Variants in VEPH1 observed in about 807,000 individuals in gnomAD.
The protein encoded by VEPH1 is ventricular zone-expressed PH domain-containing protein homolog 1.
VEPH1 carries 80 observed loss-of-function variants against 85.2 expected under a neutral mutation model. That is an observed-to-expected ratio of 0.94 (90% CI 0.78 to 1.13). VEPH1 has a LOEUF of 1.13. VEPH1 is among the 50% of genes most tolerant of loss of function. VEPH1 has a pLI of 0.00. For missense variants in VEPH1, 955 were observed against 980.5 expected (o/e 0.97, Z 0.35); for synonymous variants, 297 against 348.0 (o/e 0.85, Z 1.63).
At chr3:157,463,635 G>C (rs1347811860) in intron 3 of VEPH1, among the ~76,000 whole-genome samples, 2 of 152,110 alleles carry the variant, frequency 1.3e-5, no homozygotes, top group African/African-American at 4.8e-5. Context: ...TAGAAGTCAG[G>C]GCACGTGCTT....
At chr3:157,358,459 A>C (rs1367289303) in intron 9 of VEPH1, among the ~76,000 whole-genome samples, 1 of 152,226 alleles carries the variant, frequency 6.6e-6, no homozygotes, top group East Asian at 1.9e-4. Context: ...CAAATTTTAC[A>C]ACTTCAATTC....
intron 11 of VEPH1, among the ~76,000 whole-genome samples, chr3:157,287,289 C>G (rs575433727): frequency 6.6e-6 from 1 of 152,044 alleles, no homozygotes. Context: ...GTGAGAGGAT[C>G]GCTTGAGCCT....
At chr3:157,406,732 T>G (rs1233868571) in intron 6 of VEPH1, among the ~76,000 whole-genome samples, 1 of 152,042 alleles carries the variant, frequency 6.6e-6, no homozygotes, top group Non-Finnish European at 1.5e-5. Context: ...GGCCATAGCA[T>G]CCTTCCACGT....
chr3:157,437,751 G>T lies in VEPH1; in HGVS notation c.530-9263C>A, dbSNP rs1231300252. 4 of 1,491,034 alleles carry T rather than the reference G, an allele frequency of 2.7e-6. No individual in the cohort carries two copies. In the South Asian group the frequency reaches 3.8e-5, roughly 14 times the overall value. 92.4% of individuals were successfully genotyped at this position (1,491,034 alleles called of 1,614,324 possible). On this transcript the variant is annotated intron_variant, in intron 4 of 13. Transcript: ENST00000362010. ...GTGCTCTGGACGAGCTGCTGCAGGC[G>T]ACCCGCGACGCGGGCCGCAGGCTGG... is the stretch of plus-strand genomic sequence containing the variant.
chr3:157,483,962 A>T (rs1250702081), intron 2 of VEPH1, among the ~76,000 whole-genome samples: 2 of 152,174 alleles, frequency 1.3e-5, no homozygotes, highest in Non-Finnish European at 2.9e-5. Context: ...TTGAAAAAAG[A>T]CATAAAACCC....
intron 9 of VEPH1, among the ~76,000 whole-genome samples, chr3:157,345,383 A>G (rs1466290566): frequency 2.0e-5 from 3 of 152,232 alleles, no homozygotes; most frequent in Non-Finnish European, 4.4e-5. Flanking sequence ...ATGAACAGAC[A>G]CTTCTCAAAA....
chr3:157,408,667 A>T (rs114088427), intron 6 of VEPH1, among the ~76,000 whole-genome samples: 3,257 of 152,278 alleles, frequency 0.021, 60 homozygotes, highest in Non-Finnish European at 0.037. Flanking sequence ...GGAAGTATAG[A>T]CTGGGAGTGA....
chr3:157,314,330 C>CAAAAAA (rs34703314), intron 10 of VEPH1, among the ~76,000 whole-genome samples: 540 of 43,118 alleles, frequency 0.013, 46 homozygotes, highest in East Asian at 0.032. Context: ...GAGGATCCGT[C>CAAAAAA]AAAAAAAAAA....
At chr3:157,319,798 C>T (rs1399880247) in intron 9 of VEPH1, among the ~76,000 whole-genome samples, 1 of 152,122 alleles carries the variant, frequency 6.6e-6, no homozygotes, top group Non-Finnish European at 1.5e-5. Flanking sequence ...CACTCTGAGC[C>T]TACCAGCTTT....
chr3:157,476,764 C>G (rs149152340), intron 2 of VEPH1, among the ~76,000 whole-genome samples: 271 of 152,310 alleles, frequency 1.8e-3, no homozygotes, highest in African/African-American at 6.0e-3. Context: ...GAGTTGCCAA[C>G]CTGGCAGGAG....
chr3:157,337,259 G>A (rs562761424), intron 9 of VEPH1, among the ~76,000 whole-genome samples: 1 of 152,026 alleles, frequency 6.6e-6, no homozygotes, highest in Non-Finnish European at 1.5e-5. Flanking sequence ...GAGAAATCTG[G>A]CATTTCTTTA....
chr3:157,267,093 CTTTTTTTTCTT>C (rs1649158952), intron 12 of VEPH1, among the ~76,000 whole-genome samples: 2 of 108,262 alleles, frequency 1.8e-5, no homozygotes, highest in Middle Eastern at 4.9e-3. Context: ...TTTTCTTTTT[CTTTTTTTTCTT>C]TTTTTTTTTT....
chr3:157,456,577 A>G (rs1245682085), intron 4 of VEPH1, among the ~76,000 whole-genome samples: 3 of 152,082 alleles, frequency 2.0e-5, no homozygotes, highest in African/African-American at 7.2e-5. Flanking sequence ...TCCAGTTTTA[A>G]TCTTCTGCAT....
chr3:157,451,818 T>G (rs1196825409), intron 4 of VEPH1, among the ~76,000 whole-genome samples: 1 of 152,156 alleles, frequency 6.6e-6, no homozygotes, highest in East Asian at 1.9e-4. Context: ...CTCATAAAAT[T>G]TATGGGTGAC....
chr3:157,495,662 T>A (rs902701285), intron 1 of VEPH1, among the ~76,000 whole-genome samples, 156 bp from the exon 2 acceptor site: 1 of 152,214 alleles, frequency 6.6e-6, no homozygotes, highest in Non-Finnish European at 1.5e-5. Flanking sequence ...AAATGAACTC[T>A]TTCCTTGTTT....
intron 9 of VEPH1, among the ~76,000 whole-genome samples, chr3:157,349,895 A>G (rs1372663902): frequency 6.6e-6 from 1 of 152,180 alleles, no homozygotes; most frequent in African/African-American, 2.4e-5. Context: ...AAATGGAAAG[A>G]CATCCCATGC....
intron 4 of VEPH1, among the ~76,000 whole-genome samples, chr3:157,454,225 T>A (rs562864194): frequency 6.6e-6 from 1 of 152,294 alleles, no homozygotes; most frequent in South Asian, 2.1e-4. Context: ...GCAAATTTAA[T>A]ATTACATATA....
At chr3:157,382,913 C>T (rs1234431410) in intron 6 of VEPH1, among the ~76,000 whole-genome samples, 1 of 152,160 alleles carries the variant, frequency 6.6e-6, no homozygotes, top group African/African-American at 2.4e-5. Flanking sequence ...CTCACTGCAG[C>T]CTTGACCTCC....
chr3:157,378,324 A>G (rs1299119210), intron 7 of VEPH1, among the ~76,000 whole-genome samples: 3 of 20,720 alleles, frequency 1.4e-4, no homozygotes, highest in South Asian at 2.2e-3. Context: ...ATATATATAT[A>G]TATATATATA....
Sources: allele counts gnomAD v4.1 joint callset (sites outside exome capture counted in the v4.1 genomes callset), GRCh38; gene constraint gnomAD v4.1.1; transcripts MANE v1.5; gene names NCBI Gene and HGNC (gene_info 2026-07-23, HGNC 2026-07-21).